Variants in SLC6A13 observed in about 807,000 individuals in gnomAD.
The protein encoded by SLC6A13 is sodium- and chloride-dependent GABA transporter 2.
SLC6A13 carries 69 observed loss-of-function variants against 72.9 expected under a neutral mutation model. The ratio of observed to expected loss-of-function variants is 0.95; its 90% CI spans 0.78 to 1.16. The LOEUF is 1.16. SLC6A13 is among the 50% of genes most tolerant of loss of function. SLC6A13 has a pLI of 0.00. For missense variants in SLC6A13, 735 were observed against 760.5 expected (o/e 0.97, Z 0.39); for synonymous variants, 303 against 303.0 (o/e 1.00, Z 0.00).
chr12:221,394 G>C lies in SLC6A13; in HGVS notation c.1668C>G (p.Leu556=). Residue 556 remains leucine, a synonymous_variant, in exon 14 of 15, where the codon CTC becomes CTG. Coordinates refer to ENST00000343164, the MANE Select transcript of SLC6A13 (RefSeq NM_016615.5). Reference sequence around the variant, plus strand: ...GCCCTACCTCTCTGAAGGGGCCCTTGAGGGTTCCGAGTCTGTAGAGGCTCC... The same window carrying C: ...GCCCTACCTCTCTGAAGGGGCCCTTCAGGGTTCCGAGTCTGTAGAGGCTCC... ...PAWSLYRLGT[L]KGPFRERIRQ... The C allele has an allele frequency of 6.2e-7, 1 of 1,605,030 alleles. No homozygotes were observed. The highest frequency in any genetic ancestry group is 8.5e-7 in the Non-Finnish European group (1 of 1,175,714).
At chr12:253,080 T>G (rs1005105420) in intron 2 of SLC6A13, among the ~76,000 whole-genome samples, 1 of 152,192 alleles carries the variant, frequency 6.6e-6, no homozygotes, top group Non-Finnish European at 1.5e-5. Flanking sequence ...GAGTTCACAG[T>G]AACCTGCACC....
chr12:233,042 C>T (rs1565494436), intron 7 of SLC6A13, among the ~76,000 whole-genome samples: 3 of 152,248 alleles, frequency 2.0e-5, no homozygotes, highest in South Asian at 2.1e-4. Flanking sequence ...CTATTTTAAA[C>T]GTTTGGAAAG....
rs995794432 is a variant in SLC6A13, at chr12:254,117, T to C, written c.202+5734A>G. Among the ~76,000 whole-genome samples, 1 of 152,070 alleles carries C rather than the reference T, an allele frequency of 6.6e-6. No individual in the cohort carries two copies. Among genetic ancestry groups the C allele is most frequent in the African/African-American group, 2.4e-5 (1 of 41,408 alleles). ...TAACTGGGCAGGCCCTAGTAGAAAA[T>C]CGTATTTGCTTTCCCTCCTGGCAGC... On this transcript the variant is annotated intron_variant, in intron 2 of 14. Coordinates refer to ENST00000343164, the MANE Select transcript of SLC6A13 (RefSeq NM_016615.5). This position sits in a 1 kb window ranked among gnomAD's most constrained non-coding sequence, Gnocchi z 4.4.
chr12:222,557 AG>A lies in SLC6A13; in HGVS notation c.1489del (p.Leu497SerfsTer16), dbSNP rs778849584. The A allele has an allele frequency of 6.2e-7, 1 of 1,609,050 alleles. No homozygotes were observed. The highest frequency in any genetic ancestry group is 8.5e-7 in the Non-Finnish European group (1 of 1,176,890). ...TGTGCACACAGCTGGTGTGAGGAAG[AG>A]CCAACAGTATTTGATAAGAGGCCAT... Reference protein sequence around the residue: ...RPWPLIKYCWLFLTPAVCTAT... With the variant: ...RPWPLIKYCWXFLTPAVCTAT... On this transcript the variant is annotated frameshift_variant, in exon 13 of 15. Transcript: ENST00000343164. LOFTEE classifies it high-confidence loss of function.
chr12:227,922 A>T (rs533193531), intron 7 of SLC6A13, among the ~76,000 whole-genome samples: 172 of 152,334 alleles, frequency 1.1e-3, no homozygotes, highest in African/African-American at 4.0e-3. Context: ...AAAGACTAAA[A>T]GACCCATGGT....
At position 221,018 on chromosome 12, in the gene SLC6A13, G is replaced by GC; in HGVS notation, c.1738dup (p.Ala580GlyfsTer61). The GC allele has an allele frequency of 6.2e-7, 1 of 1,612,082 alleles. No homozygotes were observed. On this transcript the variant is annotated frameshift_variant, in exon 15 of 15. Transcript: ENST00000343164. LOFTEE classifies it high-confidence loss of function. Reference sequence around the variant, plus strand: ...GGGGGTGGCGGGAGCCGAGGGTCCTGCTGGGTTCCGCTGGGGCAGGTCCTC... The same window carrying GC: ...GGGGGTGGCGGGAGCCGAGGGTCCTGCCTGGGTTCCGCTGGGGCAGGTCCTC...
chr12:239,398 T>G (rs909637567), intron 4 of SLC6A13, among the ~76,000 whole-genome samples: 1 of 151,970 alleles, frequency 6.6e-6, no homozygotes. Context: ...ATGCCGTGCC[T>G]CCTCAGTTCC....
rs562802783 is a variant in SLC6A13 at position 239,162 on chromosome 12, T to G, written c.479-1152A>C. Among the ~76,000 whole-genome samples the G allele has an allele frequency of 1.2e-4, 18 of 146,232 alleles. No homozygotes were observed. The South Asian group carries it at 3.7e-3, about 30-fold the overall frequency. ...GCCACATGCTCTACCACGTCCACCCTGTTCCCTGCCCCTTCAGCCACGTGC... is the reference window on the plus strand; with the variant it reads ...GCCACATGCTCTACCACGTCCACCCGGTTCCCTGCCCCTTCAGCCACGTGC... On this transcript the variant is annotated intron_variant, in intron 4 of 14. Coordinates refer to ENST00000343164, the MANE Select transcript of SLC6A13 (RefSeq NM_016615.5).
intron 7 of SLC6A13, among the ~76,000 whole-genome samples, chr12:231,560 G>T (rs775991891): frequency 2.0e-5 from 3 of 152,124 alleles, no homozygotes; most frequent in Non-Finnish European, 4.4e-5. Flanking sequence ...AGAGAAGAAG[G>T]CTGCTCAGGA....
chr12:226,726 G>A (rs886551802), intron 8 of SLC6A13: 7 of 495,730 alleles, frequency 1.4e-5, no homozygotes, highest in East Asian at 3.9e-5. Context: ...GCCCAGGGAC[G>A]GAATAAATCA....
chr12:244,397 AG>A (rs1942277961), intron 2 of SLC6A13, among the ~76,000 whole-genome samples: 1 of 152,332 alleles, frequency 6.6e-6, no homozygotes, highest in Admixed American at 6.5e-5. Flanking sequence ...TTGTTATAAA[AG>A]TGAGTTTGGG....
chr12:242,391 G>T (rs999673248), intron 4 of SLC6A13, among the ~76,000 whole-genome samples: 1 of 152,200 alleles, frequency 6.6e-6, no homozygotes, highest in African/African-American at 2.4e-5. Context: ...CAACATAAAA[G>T]TGGTCAGTTC....
intron 2 of SLC6A13, among the ~76,000 whole-genome samples, chr12:255,614 T>C (rs1942714775): frequency 6.6e-6 from 1 of 152,196 alleles, no homozygotes; most frequent in Non-Finnish European, 1.5e-5. Context: ...GAGAATCACT[T>C]GAACCCAGTA....
intron 9 of SLC6A13, among the ~76,000 whole-genome samples, chr12:226,128 A>G (rs1394783020): frequency 6.6e-6 from 1 of 152,220 alleles, no homozygotes; most frequent in Non-Finnish European, 1.5e-5. Context: ...TGGAAGGATA[A>G]ACATGAAATA....
intron 9 of SLC6A13, among the ~76,000 whole-genome samples, chr12:225,313 TAG>T (rs1941399055): frequency 1.3e-5 from 2 of 152,238 alleles, no homozygotes; most frequent in East Asian, 3.9e-4. Context: ...ATGGTACGAG[TAG>T]AGTGCCTCGC....
intron 4 of SLC6A13, among the ~76,000 whole-genome samples, chr12:241,973 C>T (rs1043847747): frequency 2.6e-5 from 4 of 152,208 alleles, no homozygotes; most frequent in Non-Finnish European, 4.4e-5. Flanking sequence ...TACTTACCAT[C>T]GTGCTGCAAG....
At chr12:246,489 G>C (rs1350501726) in intron 2 of SLC6A13, among the ~76,000 whole-genome samples, 1 of 152,170 alleles carries the variant, frequency 6.6e-6, no homozygotes, top group Non-Finnish European at 1.5e-5. Context: ...ATTAGCAGAT[G>C]AGAATATTTA....
intron 9 of SLC6A13, among the ~76,000 whole-genome samples, chr12:224,910 G>A (rs1372357812): frequency 6.6e-6 from 1 of 152,202 alleles, no homozygotes; most frequent in Non-Finnish European, 1.5e-5. Flanking sequence ...TGGGCCTGGT[G>A]GGAAGAGGAG....
chr12:240,589 G>T (rs529924087), intron 4 of SLC6A13, among the ~76,000 whole-genome samples: 1 of 152,374 alleles, frequency 6.6e-6, no homozygotes, highest in South Asian at 2.1e-4. Flanking sequence ...ACTGTGCTAG[G>T]CACAGAAGCT....
Sources: gnomAD v4.1 joint callset for allele counts (sites outside exome capture counted in the v4.1 genomes callset) on GRCh38, gnomAD v4.1.1 for gene constraint, Gnocchi (gnomAD v3.1) non-coding constraint, MANE v1.5 for transcripts, NCBI Gene and HGNC (gene_info 2026-07-23, HGNC 2026-07-21) for gene names.